The following PGLYRP2 variants were observed in gnomAD, a reference collection of about 807,000 sequenced individuals.
PGLYRP2 encodes peptidoglycan recognition protein 2, also known as N-acetylmuramoyl-L-alanine amidase.
PGLYRP2 carries 38 observed loss-of-function variants against 46.2 expected under a neutral mutation model. That is an observed-to-expected ratio of 0.82 (90% confidence interval 0.64 to 1.08). The LOEUF (loss-of-function observed/expected upper bound fraction) is 1.08, where lower values mean the gene tolerates loss of function less well. PGLYRP2 is among the 50% of genes least tolerant of loss of function. The pLI is 0.00. For synonymous variants in PGLYRP2, 289 were observed against 329.4 expected (o/e 0.88, Z 1.33); for missense variants, 713 against 755.9 (o/e 0.94, Z 0.67).
intron 3 of PGLYRP2, 23 bp downstream of exon 3, chr19:15,471,867 C>A (rs745399464): frequency 1.9e-4 from 301 of 1,607,310 alleles, no homozygotes; most frequent in Non-Finnish European, 2.5e-4. Flanking sequence ...GCCCCGCCCC[C>A]TCCCCGGTCG....
chr19:15,479,488 G>T lies in PGLYRP2; in HGVS notation c.-117C>A. 9.7e-7 allele frequency: 1 copy of T among 1,034,122 alleles called. No homozygotes were observed. 64.1% of individuals were successfully genotyped at this position (1,034,122 alleles called of 1,614,324 possible). ...AGCAGAGCCTTTGACCACTGTCAAA[G>T]TCCAGCGGCGAATGACAGACCTGCC... On this transcript the variant is annotated 5_prime_UTR_variant, in exon 1 of 5. Coordinates refer to ENST00000340880, the MANE Select transcript of PGLYRP2 (RefSeq NM_052890.4).
intron 2 of PGLYRP2, among the ~76,000 whole-genome samples, chr19:15,474,879 C>T (rs138566677): frequency 4.9e-4 from 74 of 151,418 alleles, no homozygotes; most frequent in African/African-American, 1.7e-3. Context: ...CCCAGCTACT[C>T]AGGAGGCTGA....
chr19:15,471,103 CTTTTTTTTTT>C lies in PGLYRP2; in HGVS notation c.1343+777_1343+786del, dbSNP rs71176418. On this transcript the variant is annotated intron_variant, in intron 3 of 4. Coordinates refer to ENST00000340880, the MANE Select transcript of PGLYRP2 (RefSeq NM_052890.4). The stretch of plus-strand genomic sequence containing the variant: ...TACAGGCGCGCAACACCATGCCCAG[CTTTTTTTTTT>C]TTTTTTTTTTTTTTTTTGAGACGGA... Among the ~76,000 whole-genome samples, 108 of 79,460 alleles carry C rather than the reference CTTTTTTTTTT, an allele frequency of 1.4e-3. 2 individuals are homozygous for C. In the South Asian group the frequency reaches 0.015, roughly 11 times the overall value. 52.1% of individuals were successfully genotyped at this position (79,460 alleles called of 152,430 possible).
intron 1 of PGLYRP2, among the ~76,000 whole-genome samples, chr19:15,477,365 C>A (rs966143419): frequency 4.2e-5 from 6 of 142,576 alleles, no homozygotes; most frequent in African/African-American, 1.6e-4. Flanking sequence ...TGCACTCCAG[C>A]CTGGGTGACA....
intron 2 of PGLYRP2, among the ~76,000 whole-genome samples, chr19:15,473,818 A>AAAAGAAAG (rs769583445): frequency 1.3e-5 from 2 of 151,598 alleles, no homozygotes; most frequent in Admixed American, 6.6e-5. Flanking sequence ...TTCAAGAAAG[A>AAAAGAAAG]AAAGAAAGAA....
Position 15,476,313 on chromosome 19 carries a change from CA to C in PGLYRP2, c.356del (p.Val119GlyfsTer20). Reference sequence around the variant, plus strand: ...GCCCCGCCAGCAGAGGCTCCACAGCCACGGTCGAGCCATCAGGTGCCAGCAC... The same window carrying C: ...GCCCCGCCAGCAGAGGCTCCACAGCCCGGTCGAGCCATCAGGTGCCAGCAC... ...GVVLAPDGST[V>X]AVEPLLAGLE... is the part of the protein sequence containing the mutation. On this transcript the variant is annotated frameshift_variant, in exon 2 of 5. Transcript: ENST00000340880. LOFTEE classifies it high-confidence loss of function. The C allele has an allele frequency of 6.2e-7, 1 of 1,614,190 alleles. No homozygotes were observed. Among genetic ancestry groups the C allele is most frequent in the Non-Finnish European group, 8.5e-7 (1 of 1,180,038 alleles).
chr19:15,474,703 T>C (rs888757390), intron 2 of PGLYRP2, among the ~76,000 whole-genome samples: 19 of 151,998 alleles, frequency 1.3e-4, no homozygotes, highest in African/African-American at 4.3e-4. Context: ...AATGACATAA[T>C]GTTGGCTGGG....
chr19:15,473,470 C>CAAAAAAAAAAAAAAA (rs56053684), intron 2 of PGLYRP2, among the ~76,000 whole-genome samples: 1 of 36,478 alleles, frequency 2.7e-5, no homozygotes, highest in East Asian at 2.4e-3. Flanking sequence ...AACTCTGTCT[C>CAAAAAAAAAAAAAAA]AAAAAAAAAA....
Position 15,475,833 on chromosome 19 carries a change from C to T in PGLYRP2, c.837G>A (p.Gly279=). ...TMAFLNGALD[G]VILGDYLSRT... Reference sequence around the variant, plus strand: ...GGCTCAGGTAGTCTCCAAGGATGACCCCATCCAGGGCGCCATTGAGGAAGG... The same window carrying T: ...GGCTCAGGTAGTCTCCAAGGATGACTCCATCCAGGGCGCCATTGAGGAAGG... The change falls in exon 2 of 5, where the codon GGG becomes GGA. Residue 279 remains glycine, a synonymous_variant. Transcript: ENST00000340880. 3.1e-6 allele frequency: 5 copies of T among 1,614,048 alleles called. No homozygotes were observed. The highest frequency in any genetic ancestry group is 4.2e-6 in the Non-Finnish European group (5 of 1,180,016).
intron 2 of PGLYRP2, among the ~76,000 whole-genome samples, chr19:15,472,647 A>G (rs1046217830): frequency 3.3e-5 from 5 of 149,942 alleles, no homozygotes; most frequent in African/African-American, 9.9e-5. Flanking sequence ...CCTGTAATCA[A>G]TCCCACACTT....
chr19:15,468,873 G>C, intron 4 of PGLYRP2, 121 bp from the exon 5 acceptor site: 4 of 673,084 alleles, frequency 5.9e-6, no homozygotes, highest in Non-Finnish European at 1.0e-5. Flanking sequence ...AGAGAGTGAG[G>C]ACAAAGCCAA....
Position 15,475,830 on chromosome 19 carries a change from G to A in PGLYRP2, c.840C>T (p.Val280=). 1.2e-6 allele frequency: 2 copies of A among 1,614,116 alleles called. No homozygotes were observed. The highest frequency in any genetic ancestry group is 1.7e-6 in the Non-Finnish European group (2 of 1,180,034). ...TCCGGCTCAGGTAGTCTCCAAGGAT[G>A]ACCCCATCCAGGGCGCCATTGAGGA... is the stretch of plus-strand genomic sequence containing the variant. ...MAFLNGALDG[V]ILGDYLSRTP... Residue 280 remains valine (V), a synonymous_variant, in exon 2 of 5, where the codon GTC becomes GTT. Coordinates refer to ENST00000340880, the MANE Select transcript of PGLYRP2 (RefSeq NM_052890.4).
At position 15,469,903 on chromosome 19, in the gene PGLYRP2, A is replaced by T. The variant is rs1405727173; in HGVS notation, c.1370T>A (p.Val457Glu). 3 of 1,456,534 alleles carry T rather than the reference A, an allele frequency of 2.1e-6. No individual in the cohort carries two copies. 90.2% of individuals were successfully genotyped at this position (1,456,534 alleles called of 1,614,324 possible). A position where few individuals can be genotyped will look rare whatever the true frequency, so the allele number is the denominator to read the frequency against. Residue 457 changes from valine to glutamate, a missense_variant, in exon 4 of 5, where the codon GTG (valine) becomes GAG (glutamate). Physicochemically the swap from Val to Glu is moderately radical, Grantham distance 121. Transcript: ENST00000340880. This position sits in a 1 kb window ranked among gnomAD's most constrained non-coding sequence, Gnocchi z 4.9. ...YSFVVGSDGY[V>E]YEGRGWHWVG... The stretch of plus-strand genomic sequence containing the variant: ...CCAGTGCCAGCCGCGTCCCTCGTAC[A>T]CGTAGCCGTCCGAGCCCACCACGAA...
chr19:15,469,765 A>G lies in PGLYRP2; in HGVS notation c.1508T>C (p.Leu503Pro), dbSNP rs1227507457. The G allele has an allele frequency of 4.0e-6, 6 of 1,508,866 alleles. No individual in the cohort carries two copies. Among genetic ancestry groups the G allele is most frequent in the Non-Finnish European group, 5.3e-6 (6 of 1,136,836 alleles). 93.5% of individuals were successfully genotyped at this position (1,508,866 alleles called of 1,614,324 possible). The change falls in exon 4 of 5, where the codon CTC (leucine) becomes CCC (proline). Residue 503 changes from leucine to proline, a missense_variant. Transcript: ENST00000340880. The surrounding 1 kb of genome is among the most constrained non-coding windows in gnomAD (Gnocchi z 4.9). The stretch of plus-strand genomic sequence containing the variant: ...GCCGGCGCGCACCGCACAACTCGGG[A>G]GCGTGTCGCGCACCGTGCGCAGAGC... Reference protein sequence around the residue: ...EAALRTVRDTLPSCAVRAGLL... With the variant: ...EAALRTVRDTPPSCAVRAGLL...
At chr19:15,479,258 C>T (rs377710633) in intron 1 of PGLYRP2, 53 bp downstream of exon 1, 31 of 1,579,640 alleles carry the variant, frequency 2.0e-5, no homozygotes, top group South Asian at 8.9e-5. Flanking sequence ...GACAGCAGTA[C>T]GCCTTCTGCA....
Position 15,472,008 on chromosome 19 carries a change from C to A in PGLYRP2, c.1225G>T (p.Val409Leu). 6.2e-7 allele frequency: 1 copy of A among 1,613,662 alleles called. No homozygotes were observed. Among genetic ancestry groups the A allele is most frequent in the Non-Finnish European group, 8.5e-7 (1 of 1,179,964 alleles). Residue 409 changes from valine (V) to leucine (L), a missense_variant, in exon 3 of 5, where the codon GTG (valine) becomes TTG (leucine). Coordinates refer to ENST00000340880, the MANE Select transcript of PGLYRP2 (RefSeq NM_052890.4). ...LLQLPLGFLY[V>L]HHTYVPAPPC... ...GGTGCAGGCACGTAGGTGTGATGCA[C>A]GTACAAGAATCCCAGCGGCAGCTGC... is the stretch of plus-strand genomic sequence containing the variant.
At chr19:15,473,766 G>C (rs918247375) in intron 2 of PGLYRP2, among the ~76,000 whole-genome samples, 7 of 149,886 alleles carry the variant, frequency 4.7e-5, no homozygotes, top group Non-Finnish European at 7.4e-5. Flanking sequence ...ACTATGCACT[G>C]GTATGGGACT....
chr19:15,478,824 G>A (rs1477297436), intron 1 of PGLYRP2, among the ~76,000 whole-genome samples: 2 of 151,996 alleles, frequency 1.3e-5, no homozygotes, highest in Non-Finnish European at 2.9e-5. Flanking sequence ...GTTTCACCAT[G>A]TTGGCCAGGC....
intron 2 of PGLYRP2, among the ~76,000 whole-genome samples, chr19:15,472,583 ACT>A (rs1970760126): frequency 6.8e-6 from 1 of 146,800 alleles, no homozygotes; most frequent in Non-Finnish European, 1.5e-5. Context: ...ACAGAGCAAG[ACT>A]CTGTCCCCCC....
Sources: gnomAD v4.1 joint callset for allele counts (sites outside exome capture counted in the v4.1 genomes callset) on GRCh38, gnomAD v4.1.1 for gene constraint, Gnocchi (gnomAD v3.1) non-coding constraint, MANE v1.5 for transcripts, NCBI Gene and HGNC (gene_info 2026-07-23, HGNC 2026-07-21) for gene names.